Variants in ROBO2 observed in about 807,000 individuals in gnomAD.
ROBO2 encodes roundabout guidance receptor 2, also known as roundabout homolog 2.
A neutral mutation model predicts 160.8 loss-of-function variants in ROBO2; 53 were observed. That is an observed-to-expected ratio of 0.33 (90% confidence interval 0.26 to 0.41). ROBO2 has a LOEUF of 0.41. Ranked by LOEUF, ROBO2 falls within the 10% of genes least tolerant of loss-of-function variation. ROBO2 has a pLI of 1.00. For missense variants in ROBO2, 1,577 were observed against 1,722.4 expected (o/e 0.92, Z 1.49); for synonymous variants, 664 against 611.7 (o/e 1.09, Z -1.26).
At chr3:77,626,698 A>G (rs1256267460) in intron 23 of ROBO2, among the ~76,000 whole-genome samples, 3 of 152,302 alleles carry the variant, frequency 2.0e-5, no homozygotes, top group East Asian at 1.9e-4. Flanking sequence ...GTGCAGGGGG[A>G]AAATGCCCTC....
intron 2 of ROBO2, among the ~76,000 whole-genome samples, chr3:76,773,940 C>T (rs1327215982): frequency 6.6e-6 from 1 of 150,804 alleles, no homozygotes; most frequent in Non-Finnish European, 1.5e-5. Context: ...AAATTTGCTC[C>T]ACTGGATATT....
In ROBO2 at chr3:76,083,984, A is replaced by G. The variant is rs186782331; in HGVS notation, c.109+146382A>G. Among the ~76,000 whole-genome samples, 10 of 152,124 alleles carry G rather than the reference A, an allele frequency of 6.6e-5. No homozygotes were observed. In the East Asian group the frequency reaches 1.7e-3, roughly 27 times the overall value. ...GGGAAATGGCCACTTACCTGCTCTT[A>G]GTCTATTGTTTTTAATGGAACTGAG... On this transcript the variant is annotated intron_variant, in intron 2 of 26. Coordinates refer to the ROBO2 transcript ENST00000487694.
chr3:76,221,604 T>C (rs34335785), intron 2 of ROBO2, among the ~76,000 whole-genome samples: 51,047 of 152,108 alleles, frequency 0.34, 9,447 homozygotes, highest in Non-Finnish European at 0.42. Context: ...TTCTGCAGAA[T>C]CTTGGCCCAG....
At chr3:76,683,109 T>C (rs916181842) in intron 2 of ROBO2, among the ~76,000 whole-genome samples, 4 of 152,142 alleles carry the variant, frequency 2.6e-5, no homozygotes, top group African/African-American at 7.2e-5. Context: ...TTAGGTCTCA[T>C]GTATTTTACA....
At chr3:76,023,903 A>C (rs1199822405) in intron 2 of ROBO2, among the ~76,000 whole-genome samples, 1 of 151,490 alleles carries the variant, frequency 6.6e-6, no homozygotes, top group Non-Finnish European at 1.5e-5. Context: ...CAGGTTACAG[A>C]GAAAAAAAGT....
intron 20 of ROBO2, among the ~76,000 whole-genome samples, chr3:77,604,419 A>G (rs774820223): frequency 1.1e-4 from 16 of 152,162 alleles, no homozygotes; most frequent in Admixed American, 3.3e-4. Flanking sequence ...AAGACTTTTA[A>G]AAATCTTTCT....
At chr3:75,998,230 A>G (rs556595535) in intron 2 of ROBO2, among the ~76,000 whole-genome samples, 43 of 152,244 alleles carry the variant, frequency 2.8e-4, no homozygotes, top group African/African-American at 1.0e-3. Context: ...ATTTCATGCT[A>G]TTTATGTTTT....
chr3:76,250,119 A>T (rs1705897223), intron 2 of ROBO2, among the ~76,000 whole-genome samples: 1 of 152,092 alleles, frequency 6.6e-6, no homozygotes, highest in Admixed American at 6.6e-5. Context: ...ATTATGTAAT[A>T]TCAAAATTGT....
chr3:77,645,025 A>G, intron 25 of ROBO2, 121 bp downstream of exon 27: 1 of 1,026,652 alleles, frequency 9.7e-7, no homozygotes, highest in Non-Finnish European at 1.5e-6. Flanking sequence ...AAAACAATCA[A>G]TTGCAATTTT....
intron 2 of ROBO2, among the ~76,000 whole-genome samples, chr3:77,427,542 G>A (rs2078330055): frequency 6.6e-6 from 1 of 152,158 alleles, no homozygotes; most frequent in Non-Finnish European, 1.5e-5. Context: ...AGTGGGTTGA[G>A]GGGACAAGAA....
At chr3:76,722,318 C>T (rs749844359) in intron 2 of ROBO2, among the ~76,000 whole-genome samples, 36 of 152,176 alleles carry the variant, frequency 2.4e-4, no homozygotes, top group Middle Eastern at 6.8e-3. Flanking sequence ...GACAGGGTTT[C>T]GCAATGTTGG....
chr3:77,156,562 A>G (rs2078025172), intron 2 of ROBO2, among the ~76,000 whole-genome samples: 1 of 151,934 alleles, frequency 6.6e-6, no homozygotes, highest in African/African-American at 2.4e-5. Context: ...TGCTGTGAGA[A>G]ATGATCAGTT....
chr3:77,046,589 A>G (rs992546636), intron 1 of ROBO2, among the ~76,000 whole-genome samples: 5 of 152,288 alleles, frequency 3.3e-5, no homozygotes, highest in African/African-American at 9.6e-5. Flanking sequence ...GTGCCTTGTC[A>G]CAGATCCCAT....
Position 76,653,161 on chromosome 3 carries a change from T to C in ROBO2, c.110-444853T>C, listed in dbSNP as rs186375633. ...ACCATCTTCCCTTAGGTCAACATTA[T>C]TGTAGAAATATTGCTTATCTGTATT... On this transcript the variant is annotated intron_variant, in intron 2 of 26. Transcript: ENST00000487694. Among the ~76,000 whole-genome samples the C allele has an allele frequency of 9.8e-3, 1,492 of 152,154 alleles. 18 individuals carry two copies. The highest frequency in any genetic ancestry group is 0.015 in the Non-Finnish European group (1,041 of 67,946).
intron 2 of ROBO2, among the ~76,000 whole-genome samples, chr3:76,612,662 T>C (rs908301036): frequency 1.3e-5 from 2 of 152,170 alleles, no homozygotes; most frequent in African/African-American, 2.4e-5. Flanking sequence ...TGTATACCTA[T>C]GTAAGAAACT....
At chr3:76,432,977 T>C (rs2076505532) in intron 2 of ROBO2, among the ~76,000 whole-genome samples, 1 of 152,106 alleles carries the variant, frequency 6.6e-6, no homozygotes, top group South Asian at 2.1e-4. Context: ...TAGCGATCAT[T>C]TGTTCACATT....
chr3:76,735,773 AAAG>A (rs780279748), intron 2 of ROBO2, among the ~76,000 whole-genome samples: 29,809 of 71,632 alleles, frequency 0.42, 5,031 homozygotes, highest in Non-Finnish European at 0.45. Context: ...AAAAAAAAAA[AAAG>A]AAAAAAAAAA....
chr3:76,050,975 G>A (rs2107814631), intron 2 of ROBO2, among the ~76,000 whole-genome samples: 1 of 152,288 alleles, frequency 6.6e-6, no homozygotes, highest in African/African-American at 2.4e-5. Context: ...AAACCTTGGT[G>A]ATATATTGAT....
chr3:77,050,445 G>A (rs957112231), intron 1 of ROBO2, among the ~76,000 whole-genome samples: 5 of 152,036 alleles, frequency 3.3e-5, no homozygotes, highest in African/African-American at 4.8e-5. Flanking sequence ...CTGAGTAGGA[G>A]AAATGTAACC....
Sources: gnomAD v4.1 joint callset for allele counts (sites outside exome capture counted in the v4.1 genomes callset) on GRCh38, gnomAD v4.1.1 for gene constraint, MANE v1.5 for transcripts, NCBI Gene and HGNC (gene_info 2026-07-23, HGNC 2026-07-21) for gene names.